Variants in TEP1 observed in about 807,000 individuals in gnomAD.
TEP1 encodes the protein telomerase associated protein 1.
Under a neutral mutation model 306.3 loss-of-function variants are expected in TEP1, and 241 were observed. That is an observed-to-expected ratio of 0.79 (90% CI 0.71 to 0.88). The LOEUF is 0.88. Ranked by LOEUF, TEP1 falls within the 40% of genes least tolerant of loss-of-function variation. The pLI, the probability that TEP1 is intolerant of heterozygous loss-of-function variation, is 0.00. For missense variants in TEP1, 3,051 were observed against 3,276.1 expected (o/e 0.93, Z 1.68); for synonymous variants, 1,289 against 1,305.5 (o/e 0.99, Z 0.27).
intron 15 of TEP1, 137 bp downstream of exon 15, chr14:20,390,544 G>A (rs1055450148): frequency 1.3e-5 from 10 of 776,752 alleles, no homozygotes; most frequent in Middle Eastern, 2.8e-4. Context: ...CACTGGGTAG[G>A]GGGTTGTAGC....
At chr14:20,382,480 G>A in intron 28 of TEP1, 124 bp from the exon 29 acceptor site, 1 of 1,525,882 alleles carries the variant, frequency 6.6e-7, no homozygotes, top group Non-Finnish European at 9.0e-7. Context: ...ACAACAGTAG[G>A]AGGGAAGTGA....
At position 20,386,697 on chromosome 14, in the gene TEP1, AC is replaced by A. The variant is rs144750938; in HGVS notation, c.2685-75del. 3,340 of 1,410,590 alleles carry A rather than the reference AC, an allele frequency of 2.4e-3. 58 individuals are homozygous for A. In the African/African-American group the frequency reaches 0.043, roughly 18 times the overall value. 87.4% of individuals were successfully genotyped at this position (1,410,590 alleles called of 1,614,324 possible). A position where few individuals can be genotyped will look rare whatever the true frequency, so the allele number is the denominator to read the frequency against. On this transcript the variant is annotated intron_variant, in intron 18 of 54. Coordinates refer to ENST00000262715, the MANE Select transcript of TEP1 (RefSeq NM_007110.5). ...CCCATCCATAGACACTGCTGTGATC[AC>A]CCTTTAGCACTGAGCACAAGCCAGG...
intron 8 of TEP1, 89 bp from the exon 9 acceptor site, chr14:20,401,230 T>C (rs573813782): frequency 6.7e-7 from 1 of 1,490,286 alleles, no homozygotes; most frequent in African/African-American, 1.4e-5. Flanking sequence ...TTACAGGGCA[T>C]GTCTGCCCAA....
At chr14:20,407,607 C>G (rs1271084915) in intron 2 of TEP1, among the ~76,000 whole-genome samples, 1 of 152,236 alleles carries the variant, frequency 6.6e-6, no homozygotes, top group Non-Finnish European at 1.5e-5. Flanking sequence ...TCCCAAAGTG[C>G]TGGGATTACA....
Position 20,371,267 on chromosome 14 carries a change from T to C in TEP1, c.7268A>G (p.Tyr2423Cys), listed in dbSNP as rs1443590025. Residue 2423 changes from tyrosine (Y) to cysteine (C), a missense_variant, in exon 51 of 55, where the codon TAT becomes TGT. Tyr to Cys is a radical substitution (Grantham distance 194, BLOSUM62 -2). Around this residue, in one of 3 missense-constraint regions of TEP1, gnomAD observed 1,540 missense variants for 1,705.9 expected, o/e 0.90. Coordinates refer to ENST00000262715, the MANE Select transcript of TEP1 (RefSeq NM_007110.5). ...NPMILSTHKE[Y>C]GIFVLQPKDP... The stretch of plus-strand genomic sequence containing the variant: ...CTTGGGCTGCAGGACAAATATGCCA[T>C]ACTCCTTGTGGGTGGACAATATCAT... 1.2e-6 allele frequency: 2 copies of C among 1,614,098 alleles called. No individual in the cohort carries two copies. The highest frequency in any genetic ancestry group is 1.3e-5 in the African/African-American group (1 of 74,942).
intron 51 of TEP1, 116 bp from the exon 52 acceptor site, chr14:20,369,895 C>G: frequency 1.4e-6 from 1 of 711,006 alleles, no homozygotes; most frequent in Non-Finnish European, 2.3e-6. Context: ...TTAACTACAA[C>G]TTAGATACAA....
chr14:20,406,479 A>AGGCCACGG (rs1404611630), intron 2 of TEP1, 79 bp from the exon 3 acceptor site: 80 of 1,481,486 alleles, frequency 5.4e-5, no homozygotes, highest in Non-Finnish European at 6.8e-5. Context: ...AGGCAGCACC[A>AGGCCACGG]GGCCACGGGA....
Position 20,377,374 on chromosome 14 carries a change from C to T in TEP1, c.5994G>A (p.Lys1998=). 6.2e-7 allele frequency: 1 copy of T among 1,614,140 alleles called. No homozygotes were observed. The highest frequency in any genetic ancestry group is 1.6e-4 in the Middle Eastern group (1 of 6,062). Residue 1998 remains lysine, a synonymous_variant, in exon 41 of 55, where the codon AAG becomes AAA. Transcript: ENST00000262715. ...EDGSLQGWAL[K]ECSLQSLWLL... Reference sequence around the variant, plus strand: ...GCCAGAGGGACTGAAGGGAGCATTCCTTGAGTGCCCAGCCCTGCAAGGACC... The same window carrying T: ...GCCAGAGGGACTGAAGGGAGCATTCTTTGAGTGCCCAGCCCTGCAAGGACC...
rs1343932644 is a variant in TEP1, at chr14:20,408,040, A to G, written c.400T>C (p.Ser134Pro). The stretch of plus-strand genomic sequence containing the variant: ...TACAAATCAGCTTGCGTCATGTGAG[A>G]TATCTGTAGACTCTGGAACAAGGGG... Reference protein sequence around the residue: ...ASPLFQSLQISHMTQADLYRV... With the variant: ...ASPLFQSLQIPHMTQADLYRV... The change falls in exon 2 of 55, where the codon TCT becomes CCT. Residue 134 changes from serine (S) to proline (P), a missense_variant. Ser to Pro is a moderately conservative substitution (Grantham distance 74). Coordinates refer to ENST00000262715, the MANE Select transcript of TEP1 (RefSeq NM_007110.5). 1 of 1,614,020 alleles carries G rather than the reference A, an allele frequency of 6.2e-7. No homozygotes were observed. The highest frequency in any genetic ancestry group is 2.2e-5 in the East Asian group (1 of 44,866).
At chr14:20,384,765 T>G in intron 21 of TEP1, 52 bp from the exon 22 acceptor site, 1 of 1,558,578 alleles carries the variant, frequency 6.4e-7, no homozygotes, top group South Asian at 1.1e-5. Flanking sequence ...CCAGCCAGCC[T>G]CCCTCCACCA....
chr14:20,368,758 G>GCGCA (rs756656918), intron 54 of TEP1, 40 bp downstream of exon 54: 6 of 1,340,016 alleles, frequency 4.5e-6, no homozygotes, highest in African/African-American at 3.8e-5. Context: ...AGGTGTGCAG[G>GCGCA]CGCACGCACA....
At chr14:20,387,078 G>C (rs1877235116) in intron 18 of TEP1, among the ~76,000 whole-genome samples, 2 of 151,366 alleles carry the variant, frequency 1.3e-5, no homozygotes, top group African/African-American at 4.9e-5. Flanking sequence ...GGGATTACAG[G>C]CATGAGCCAC....
chr14:20,383,464 C>T, intron 26 of TEP1, 24 bp downstream of exon 26: 2 of 1,613,970 alleles, frequency 1.2e-6, no homozygotes, highest in Non-Finnish European at 1.7e-6. Context: ...TGCCTCCCGA[C>T]ACCCACCTCC....
intron 54 of TEP1, 76 bp from the exon 55 acceptor site, chr14:20,368,635 C>T: frequency 6.3e-7 from 1 of 1,592,218 alleles, no homozygotes. Flanking sequence ...ACATTAATGC[C>T]TTTTATTTAG....
In TEP1 at chr14:20,377,325, C is replaced by A; in HGVS notation, c.6043G>T (p.Val2015Leu). Residue 2015 changes from valine (V) to leucine (L), a missense_variant, in exon 41 of 55, where the codon GTG becomes TTG. Physicochemically the swap from Val to Leu is conservative, Grantham distance 32. Around this residue, in one of 3 missense-constraint regions of TEP1, gnomAD observed 1,540 missense variants for 1,705.9 expected, o/e 0.90. Transcript: ENST00000262715. ...LWLLSRFQKPVLGLATSQELL... is the reference protein window; with the variant it reads ...LWLLSRFQKPLLGLATSQELL... ...TCCTGGGAAGTGGCCAGTCCTAGCACAGGCTTCTGGAATCTGGACAGGAGC... is the reference window on the plus strand; with the variant it reads ...TCCTGGGAAGTGGCCAGTCCTAGCAAAGGCTTCTGGAATCTGGACAGGAGC... 6.2e-7 allele frequency: 1 copy of A among 1,614,118 alleles called. No homozygotes were observed. Among genetic ancestry groups the A allele is most frequent in the Non-Finnish European group, 8.5e-7 (1 of 1,180,002 alleles).
In TEP1 at chr14:20,383,828, C is replaced by T; in HGVS notation, c.3625G>A (p.Gly1209Ser). The T allele has an allele frequency of 6.2e-7, 1 of 1,608,020 alleles. No individual in the cohort carries two copies. Among genetic ancestry groups the T allele is most frequent in the South Asian group, 1.1e-5 (1 of 90,568 alleles). ...CGTCTGAGCAGAGTGAGGGCAAGAC[C>T]CTGGTCAGGACGAGCCCCAGAAAAG... is the stretch of plus-strand genomic sequence containing the variant. ...FHFSGARPDQ[G>S]LALTLLRRLC... The change falls in exon 25 of 55, where the codon GGT becomes AGT. Residue 1209 changes from glycine to serine, a missense_variant. This residue lies in a region of TEP1 where 1,507 missense variants were observed against 1,550.5 expected (regional missense o/e 0.97). Transcript: ENST00000262715.
intron 7 of TEP1, among the ~76,000 whole-genome samples, chr14:20,402,921 G>C (rs1479820450): frequency 2.6e-5 from 4 of 152,080 alleles, no homozygotes; most frequent in African/African-American, 9.7e-5. Context: ...CACTTTGGGA[G>C]GTCAAGGCAG....
At position 20,377,277 on chromosome 14, in the gene TEP1, T is replaced by A. The variant is rs760611738; in HGVS notation, c.6088+3A>T. 3.1e-6 allele frequency: 5 copies of A among 1,607,472 alleles called. No individual in the cohort carries two copies. The highest frequency in any genetic ancestry group is 4.3e-6 in the Non-Finnish European group (5 of 1,175,546). ...GTTAACCCTGCCCACTGTCTAGTAG[T>A]ACCTGAGGCAGAAGCCAAGAGCTCC... On this transcript the variant is annotated splice_donor_region_variant and intron_variant, in intron 41 of 54. Transcript: ENST00000262715.
chr14:20,404,861 A>G lies in TEP1; in HGVS notation c.871-89T>C, dbSNP rs1224965489. ...TTACTTGCTGATTGAGTGTGCCTGTATAAAACCTTTCCTGAGCCCTCCACG... is the reference window on the plus strand; with the variant it reads ...TTACTTGCTGATTGAGTGTGCCTGTGTAAAACCTTTCCTGAGCCCTCCACG... On this transcript the variant is annotated intron_variant, in intron 4 of 54. Transcript: ENST00000262715. 5 of 1,450,980 alleles carry G rather than the reference A, an allele frequency of 3.4e-6. No individual in the cohort carries two copies. In the African/African-American group the frequency reaches 7.1e-5, roughly 21 times the overall value. 89.9% of individuals were successfully genotyped at this position (1,450,980 alleles called of 1,614,324 possible).
Sources: allele counts gnomAD v4.1 joint callset (sites outside exome capture counted in the v4.1 genomes callset), GRCh38; gene constraint gnomAD v4.1.1; regional missense constraint gnomAD v4.1.1; transcripts MANE v1.5; gene names NCBI Gene and HGNC (gene_info 2026-07-23, HGNC 2026-07-21).